Variants in GRIK4 observed in about 807,000 individuals in gnomAD.
GRIK4 encodes glutamate receptor ionotropic, kainate 4.
GRIK4 carries 40 observed loss-of-function variants against 104.9 expected under a neutral mutation model. The observed-to-expected ratio is 0.38, with a 90% CI of 0.30 to 0.50. The LOEUF is 0.50. Among genes scored for constraint, GRIK4 ranks in the 20% least tolerant of loss-of-function variants. The pLI is 0.93. For synonymous variants in GRIK4, 485 were observed against 524.9 expected (o/e 0.92, Z 1.04); for missense variants, 1,047 against 1,308.1 (o/e 0.80, Z 3.08).
Position 120,862,034 on chromosome 11 carries a change from T to C in GRIK4, c.820T>C (p.Ser274Pro). 6.2e-7 allele frequency: 1 copy of C among 1,613,850 alleles called. No individual in the cohort carries two copies. Among genetic ancestry groups the C allele is most frequent in the South Asian group, 1.1e-5 (1 of 91,086 alleles). Residue 274 changes from serine to proline, a missense_variant, in exon 9 of 21, where the codon TCC becomes CCC. By Grantham distance (74) the Ser-to-Pro change is moderately conservative (BLOSUM62 -1). Coordinates refer to ENST00000527524, the MANE Select transcript of GRIK4 (RefSeq NM_014619.5). The part of the protein sequence containing the change: ...NILGFSIFNQ[S>P]HAFFQEFAQS... ...CCTGGGATTTTCCATTTTCAACCAATCCCATGCTTTCTTCCAAGAGTTTGC... is the reference window on the plus strand; with the variant it reads ...CCTGGGATTTTCCATTTTCAACCAACCCCATGCTTTCTTCCAAGAGTTTGC...
intron 1 of GRIK4, among the ~76,000 whole-genome samples, chr11:120,567,744 A>C (rs552083456): frequency 1.3e-5 from 2 of 152,290 alleles, no homozygotes; most frequent in African/African-American, 4.8e-5. Flanking sequence ...GGCTGGCCCT[A>C]GGTAGTGAGT....
At chr11:120,921,670 A>G (rs1165038623) in intron 13 of GRIK4, among the ~76,000 whole-genome samples, 1 of 152,048 alleles carries the variant, frequency 6.6e-6, no homozygotes, top group Non-Finnish European at 1.5e-5. Context: ...GCGCGGCCCC[A>G]TCTCACTTCC....
intron 9 of GRIK4, among the ~76,000 whole-genome samples, chr11:120,863,337 C>T (rs754835175): frequency 4.6e-5 from 7 of 152,204 alleles, no homozygotes; most frequent in Admixed American, 6.5e-5. Flanking sequence ...CAGTCACATA[C>T]CGTACAGGTT....
chr11:120,619,758 A>G (rs1442937682), intron 1 of GRIK4, among the ~76,000 whole-genome samples: 1 of 152,046 alleles, frequency 6.6e-6, no homozygotes, highest in Non-Finnish European at 1.5e-5. Context: ...TTTGGCCATG[A>G]TTGTAAGTTT....
intron 1 of GRIK4, among the ~76,000 whole-genome samples, chr11:120,588,796 C>T (rs770203619): frequency 1.3e-5 from 2 of 152,150 alleles, no homozygotes; most frequent in African/African-American, 4.8e-5. Context: ...GCCAGTAGCA[C>T]GCCCTGTAGC....
intron 3 of GRIK4, among the ~76,000 whole-genome samples, chr11:120,745,686 G>T (rs916303850): frequency 1.3e-5 from 2 of 152,186 alleles, no homozygotes; most frequent in Admixed American, 6.5e-5. Flanking sequence ...TGTCCTCTAG[G>T]TCGAATGGAT....
intron 8 of GRIK4, among the ~76,000 whole-genome samples, chr11:120,847,700 A>G (rs1953882900): frequency 6.6e-6 from 1 of 152,236 alleles, no homozygotes; most frequent in Non-Finnish European, 1.5e-5. Context: ...GAACTTTCAT[A>G]TTACTCCCCA....
At chr11:120,697,626 AT>A (rs1413250833) in intron 3 of GRIK4, among the ~76,000 whole-genome samples, 2 of 152,178 alleles carry the variant, frequency 1.3e-5, no homozygotes, top group African/African-American at 4.8e-5. Flanking sequence ...AAAAAAAAGA[AT>A]TTGTATTCCT....
At chr11:120,846,392 A>G (rs1204471862) in intron 8 of GRIK4, among the ~76,000 whole-genome samples, 3 of 152,210 alleles carry the variant, frequency 2.0e-5, no homozygotes, top group African/African-American at 7.2e-5. Flanking sequence ...GCGTCTATTA[A>G]TGTGAGGTGT....
rs117213058 is a variant in GRIK4 at position 120,760,650 on chromosome 11, A to G, written c.83-42043A>G. Reference sequence around the variant, plus strand: ...TCTGATGTTCCCCTCCCTGTGCCCAACGTTCTCATTGTTCAACTCCCACTT... The same window carrying G: ...TCTGATGTTCCCCTCCCTGTGCCCAGCGTTCTCATTGTTCAACTCCCACTT... On this transcript the variant is annotated intron_variant, in intron 3 of 20. Transcript: ENST00000527524. Among the ~76,000 whole-genome samples, 546 of 151,918 alleles carry G rather than the reference A, an allele frequency of 3.6e-3. 12 individuals carry two copies. In the East Asian group the frequency reaches 0.064, roughly 18 times the overall value.
At chr11:120,922,664 A>G (rs565663555) in intron 13 of GRIK4, among the ~76,000 whole-genome samples, 1 of 152,254 alleles carries the variant, frequency 6.6e-6, no homozygotes, top group East Asian at 1.9e-4. Flanking sequence ...TTGCCATCCT[A>G]TAGCTTGTCA....
Position 120,819,123 on chromosome 11 carries a change from C to T in GRIK4, c.346-632C>T, listed in dbSNP as rs771419082. Reference sequence around the variant, plus strand: ...TGAAGCCAAACCACGTATTTATTTACCTGGCTGTGTTCAGAGGTTCTCTAG... The same window carrying T: ...TGAAGCCAAACCACGTATTTATTTATCTGGCTGTGTTCAGAGGTTCTCTAG... On this transcript the variant is annotated intron_variant, in intron 5 of 20. Transcript: ENST00000527524. The surrounding 1 kb of genome is among the most constrained non-coding windows in gnomAD (Gnocchi z 4.3). 1.4e-4 allele frequency among the ~76,000 whole-genome samples: 21 copies of T among 152,192 alleles called. No homozygotes were observed. Among genetic ancestry groups the T allele is most frequent in the Non-Finnish European group, 1.9e-4 (13 of 68,030 alleles).
At chr11:120,686,164 A>T (rs1276372819) in intron 3 of GRIK4, among the ~76,000 whole-genome samples, 2 of 136,230 alleles carry the variant, frequency 1.5e-5, no homozygotes, top group East Asian at 2.4e-4. Flanking sequence ...TTAGTTTCTT[A>T]AAAAAAAGCA....
intron 13 of GRIK4, among the ~76,000 whole-genome samples, chr11:120,922,748 C>T (rs1943251939): frequency 6.6e-6 from 1 of 152,200 alleles, no homozygotes; most frequent in Admixed American, 6.5e-5. Context: ...GCGGTGTCGG[C>T]AGCTACAGAG....
chr11:120,702,954 G>C (rs955101427), intron 3 of GRIK4, among the ~76,000 whole-genome samples: 9 of 152,190 alleles, frequency 5.9e-5, no homozygotes, highest in African/African-American at 1.7e-4. Context: ...AGTCCTTTTA[G>C]GGGAGTATTT....
intron 3 of GRIK4, among the ~76,000 whole-genome samples, chr11:120,740,590 C>T (rs1160057224): frequency 6.6e-6 from 1 of 152,172 alleles, no homozygotes; most frequent in Non-Finnish European, 1.5e-5. Context: ...TCCAGCATTG[C>T]CTGGTAACTT....
At chr11:120,790,576 A>T (rs2135490983) in intron 3 of GRIK4, among the ~76,000 whole-genome samples, 1 of 152,320 alleles carries the variant, frequency 6.6e-6, no homozygotes, top group South Asian at 2.1e-4. Flanking sequence ...GACAATCTAG[A>T]TGTAGCTAAG....
intron 1 of GRIK4, among the ~76,000 whole-genome samples, chr11:120,579,408 GGTGA>G (rs1344039295): frequency 6.6e-6 from 1 of 152,128 alleles, no homozygotes; most frequent in African/African-American, 2.4e-5. Context: ...GTGGGGACAG[GGTGA>G]GTGTCTTCGA....
At chr11:120,872,004 C>G (rs1954623553) in intron 9 of GRIK4, 1 of 437,012 alleles carries the variant, frequency 2.3e-6, no homozygotes, top group African/African-American at 2.0e-5. Context: ...GGAAATAAGC[C>G]CATCCACCCT....
Sources: gnomAD v4.1 joint callset for allele counts (sites outside exome capture counted in the v4.1 genomes callset) on GRCh38, gnomAD v4.1.1 for gene constraint, Gnocchi (gnomAD v3.1) non-coding constraint, MANE v1.5 for transcripts, NCBI Gene and HGNC (gene_info 2026-07-23, HGNC 2026-07-21) for gene names.